KCNH5: variants seen among roughly 807,000 people sequenced by gnomAD.
KCNH5 encodes potassium voltage-gated channel subfamily H member 5.
A neutral mutation model predicts 96.1 loss-of-function variants in KCNH5; 46 were observed. The observed-to-expected ratio is 0.48, with a 90% CI of 0.38 to 0.61. The LOEUF is 0.61. KCNH5 is among the 20% of genes least tolerant of loss of function. KCNH5 has a pLI of 0.00. For missense variants in KCNH5, 907 were observed against 1,225.8 expected, an observed-to-expected ratio of 0.74 and a Z score of 3.88; for synonymous variants, 439 against 449.8, an observed-to-expected ratio of 0.98 and a Z score of 0.30.
intron 10 of KCNH5, among the ~76,000 whole-genome samples, chr14:62,740,153 A>G (rs953430064): frequency 1.3e-5 from 2 of 152,190 alleles, no homozygotes; most frequent in Admixed American, 1.3e-4. Context: ...TGATAGACTC[A>G]TTATAGGAAG....
At chr14:62,834,518 T>C (rs753920213) in intron 8 of KCNH5, among the ~76,000 whole-genome samples, 1 of 151,942 alleles carries the variant, frequency 6.6e-6, no homozygotes, top group East Asian at 1.9e-4. Flanking sequence ...TACTTCAGAT[T>C]TTGATGAGCC....
intron 2 of KCNH5, among the ~76,000 whole-genome samples, chr14:63,015,482 T>A (rs1019484965): frequency 1.2e-4 from 19 of 152,086 alleles, no homozygotes; most frequent in Non-Finnish European, 2.9e-5. Context: ...CCTTTCTCTC[T>A]CTGTATGTAC....
chr14:62,957,788 A>G (rs1450800812), intron 6 of KCNH5, among the ~76,000 whole-genome samples: 6 of 152,206 alleles, frequency 3.9e-5, no homozygotes, highest in Non-Finnish European at 8.8e-5. Context: ...CATGCATTTC[A>G]GCCATCCTAG....
intron 6 of KCNH5, among the ~76,000 whole-genome samples, chr14:62,951,133 C>G (rs770214574): frequency 6.6e-6 from 1 of 152,146 alleles, no homozygotes; most frequent in Non-Finnish European, 1.5e-5. Flanking sequence ...AGAATCACTG[C>G]ATTTCTAGAG....
intron 3 of KCNH5, among the ~76,000 whole-genome samples, chr14:63,002,005 G>T (rs563822910): frequency 6.6e-6 from 1 of 152,282 alleles, no homozygotes; most frequent in Non-Finnish European, 1.5e-5. Context: ...ATAGCTCTAT[G>T]GCTTTGACAG....
intron 2 of KCNH5, 128 bp from the exon 3 acceptor site, chr14:63,006,600 T>C (rs1271078492): frequency 1.2e-5 from 7 of 599,392 alleles, no homozygotes; most frequent in African/African-American, 1.8e-5. Flanking sequence ...CTACACAGAA[T>C]AGTCAAATCA....
intron 8 of KCNH5, among the ~76,000 whole-genome samples, chr14:62,832,566 T>C (rs1887377016): frequency 1.3e-5 from 2 of 152,196 alleles, no homozygotes; most frequent in Non-Finnish European, 2.9e-5. Context: ...ACTAAAATGA[T>C]CATGGAAATA....
chr14:62,829,644 G>A (rs531501157), intron 8 of KCNH5, among the ~76,000 whole-genome samples: 2 of 152,312 alleles, frequency 1.3e-5, no homozygotes, highest in African/African-American at 2.4e-5. Flanking sequence ...GAGCAGCAGA[G>A]CTCTGGGCCT....
intron 8 of KCNH5, among the ~76,000 whole-genome samples, chr14:62,825,210 T>C (rs1429650852): frequency 6.6e-6 from 1 of 152,148 alleles, no homozygotes; most frequent in Non-Finnish European, 1.5e-5. Flanking sequence ...GTTGAACTAA[T>C]TTACGTTCCC....
chr14:62,828,140 C>T (rs1488893959), intron 8 of KCNH5, among the ~76,000 whole-genome samples: 1 of 151,882 alleles, frequency 6.6e-6, no homozygotes, highest in Non-Finnish European at 1.5e-5. Flanking sequence ...TATTTCTATA[C>T]TGATTTTTTT....
intron 3 of KCNH5, 64 bp from the exon 4 acceptor site, chr14:63,001,523 T>G: frequency 6.8e-7 from 1 of 1,469,260 alleles, no homozygotes; most frequent in Non-Finnish European, 9.1e-7. Context: ...AGTGGTTTGG[T>G]CTCCTGGCTT....
intron 7 of KCNH5, among the ~76,000 whole-genome samples, chr14:62,862,695 A>C: frequency 6.6e-6 from 1 of 152,148 alleles, no homozygotes; most frequent in East Asian, 1.9e-4. Context: ...CATCACCCTG[A>C]AGAAGTCTGG....
intron 4 of KCNH5, among the ~76,000 whole-genome samples, chr14:62,999,921 T>C (rs564277075): frequency 2.0e-5 from 3 of 151,982 alleles, no homozygotes; most frequent in Admixed American, 2.0e-4. Flanking sequence ...TAGAAGACTG[T>C]TCAATTTAAA....
rs1304249528 is a variant in KCNH5, at chr14:62,699,779, T to C, written c.*7729A>G. The C allele has an allele frequency of 6.6e-6, 1 of 152,180 alleles. No homozygotes were observed. The highest frequency in any genetic ancestry group is 1.5e-5 in the Non-Finnish European group (1 of 68,002). The allele number at this position is 152,180 out of a possible 1,614,324, so 9.4% of individuals were successfully genotyped here. ...ACACATCCTGTCAGCAGTCAGGTGATAGGTCAACAGTACATACAAAATTTC... is the reference window on the plus strand; with the variant it reads ...ACACATCCTGTCAGCAGTCAGGTGACAGGTCAACAGTACATACAAAATTTC... On this transcript the variant is annotated 3_prime_UTR_variant, in exon 11 of 11. Transcript: ENST00000322893.
At chr14:62,939,428 C>T (rs1889745810) in intron 7 of KCNH5, among the ~76,000 whole-genome samples, 1 of 152,146 alleles carries the variant, frequency 6.6e-6, no homozygotes, top group Non-Finnish European at 1.5e-5. Flanking sequence ...GAAACCAGAA[C>T]CACATTTCTA....
At chr14:62,885,850 C>T (rs1888584808) in intron 7 of KCNH5, among the ~76,000 whole-genome samples, 1 of 152,144 alleles carries the variant, frequency 6.6e-6, no homozygotes, top group South Asian at 2.1e-4. Context: ...TAAAATATAA[C>T]ATTAATGAGA....
chr14:62,750,770 T>G (rs1844510), intron 10 of KCNH5, among the ~76,000 whole-genome samples: 1 of 152,002 alleles, frequency 6.6e-6, no homozygotes, highest in African/African-American at 2.4e-5. Flanking sequence ...CTTAAATCTT[T>G]TCTTAATTGC....
Position 62,818,112 on chromosome 14 carries a change from G to A in KCNH5, c.1570-15531C>T, listed in dbSNP as rs573248109. ...GGTGGCTACCAGGAGCTGGGGGCGGGGGGGGGGTGGAAGAAATGGGGAGAT... is the reference window on the plus strand; with the variant it reads ...GGTGGCTACCAGGAGCTGGGGGCGGAGGGGGGGTGGAAGAAATGGGGAGAT... On this transcript the variant is annotated intron_variant, in intron 8 of 10. Transcript: ENST00000322893. 2.3e-5 allele frequency among the ~76,000 whole-genome samples: 3 copies of A among 129,962 alleles called. 1 individual carries two copies. Among genetic ancestry groups the A allele is most frequent in the Non-Finnish European group, 3.3e-5 (2 of 60,432 alleles). 85.3% of individuals were successfully genotyped at this position (129,962 alleles called of 152,430 possible).
chr14:62,961,928 G>C (rs999225383), intron 6 of KCNH5, among the ~76,000 whole-genome samples: 3 of 151,032 alleles, frequency 2.0e-5, no homozygotes, highest in Non-Finnish European at 2.9e-5. Context: ...GATGGAGATG[G>C]AGATGCAGAT....
Sources: allele counts gnomAD v4.1 joint callset (sites outside exome capture counted in the v4.1 genomes callset), GRCh38; gene constraint gnomAD v4.1.1; transcripts MANE v1.5; gene names NCBI Gene and HGNC (gene_info 2026-07-23, HGNC 2026-07-21).